The following IL33 variants were observed in gnomAD, a reference collection of about 807,000 sequenced individuals.
IL33 encodes the protein interleukin-33.
IL33 carries 37 observed loss-of-function variants against 27.3 expected under a neutral mutation model. The ratio of observed to expected loss-of-function variants is 1.36; its 90% CI spans 1.04 to 1.78. IL33 has a LOEUF of 1.78. Ranked by LOEUF, IL33 falls within the 40% of genes most tolerant of loss-of-function variation. The probability of loss-of-function intolerance (pLI) is 0.00; values close to 1 mark genes in which losing one functional copy is unlikely to be tolerated. For synonymous variants in IL33, 132 were observed against 102.9 expected (o/e 1.28, Z -1.71); for missense variants, 406 against 311.4 (o/e 1.30, Z -2.29).
intron 1 of IL33, among the ~76,000 whole-genome samples, chr9:6,232,048 A>C (rs1290958048): frequency 6.6e-6 from 1 of 152,258 alleles, no homozygotes; most frequent in Non-Finnish European, 1.5e-5. Context: ...CAGCCAACTT[A>C]ACATTCTTAA....
At chr9:6,232,168 T>A (rs775723183) in intron 1 of IL33, among the ~76,000 whole-genome samples, 1 of 152,174 alleles carries the variant, frequency 6.6e-6, no homozygotes, top group South Asian at 2.1e-4. Flanking sequence ...GTAGATAATA[T>A]GACAATGTGA....
chr9:6,240,988 A>G (rs1175102480), intron 1 of IL33, among the ~76,000 whole-genome samples: 3 of 152,066 alleles, frequency 2.0e-5, no homozygotes, highest in East Asian at 1.9e-4. Context: ...CTTAAAATCT[A>G]AGACACAAAC....
chr9:6,233,045 G>T (rs144060345), intron 1 of IL33, among the ~76,000 whole-genome samples: 78 of 152,266 alleles, frequency 5.1e-4, no homozygotes, highest in African/African-American at 1.8e-3. Context: ...CCATTTTTAA[G>T]TGTACGGTTC....
intron 5 of IL33, 115 bp from the exon 6 acceptor site, chr9:6,253,436 GT>G: frequency 1.5e-6 from 1 of 645,676 alleles, no homozygotes; most frequent in Non-Finnish European, 2.6e-6. Flanking sequence ...CAAAAGATTT[GT>G]TTTTATTGAT....
At chr9:6,253,842 G>A (rs1178288421) in intron 6 of IL33, among the ~76,000 whole-genome samples, 1 of 152,152 alleles carries the variant, frequency 6.6e-6, no homozygotes, top group Non-Finnish European at 1.5e-5. Flanking sequence ...AGTGGTTTAT[G>A]CTAGATAAAA....
intron 1 of IL33, among the ~76,000 whole-genome samples, chr9:6,229,039 T>A (rs914528878): frequency 6.6e-6 from 1 of 152,066 alleles, no homozygotes; most frequent in African/African-American, 2.4e-5. Context: ...CTGAGGATGG[T>A]ACCCTTTGTG....
chr9:6,251,485 T>C (rs549392386), intron 4 of IL33, among the ~76,000 whole-genome samples: 2 of 152,298 alleles, frequency 1.3e-5, no homozygotes, highest in African/African-American at 4.8e-5. Flanking sequence ...CACTCCATCA[T>C]TATTTTGAAA....
At position 6,256,790 on chromosome 9, in the gene IL33, T is replaced by G. The variant is rs1470010377; in HGVS notation, c.*622T>G. On this transcript the variant is annotated 3_prime_UTR_variant, in exon 8 of 8. Coordinates refer to ENST00000682010, the MANE Select transcript of IL33 (RefSeq NM_033439.4). Reference sequence around the variant, plus strand: ...CAGGTAACATAAATGTGTGAAAAAGTAAAGATAACTAAAAAATTTAGAAAA... The same window carrying G: ...CAGGTAACATAAATGTGTGAAAAAGGAAAGATAACTAAAAAATTTAGAAAA... 1 of 155,016 alleles carries G rather than the reference T, an allele frequency of 6.5e-6. No homozygotes were observed. Among genetic ancestry groups the G allele is most frequent in the Non-Finnish European group, 1.4e-5 (1 of 70,064 alleles). The allele number at this position is 155,016 out of a possible 1,614,324, so 9.6% of individuals were successfully genotyped here.
intron 5 of IL33, 129 bp from the exon 6 acceptor site, chr9:6,253,423 C>A: frequency 1.7e-6 from 1 of 597,026 alleles, no homozygotes; most frequent in African/African-American, 1.9e-5. Flanking sequence ...TTTCTCAAAA[C>A]CACAAAAGAT....
intron 1 of IL33, among the ~76,000 whole-genome samples, chr9:6,237,572 A>G (rs1000828039): frequency 1.3e-5 from 2 of 152,182 alleles, no homozygotes; most frequent in Non-Finnish European, 2.9e-5. Context: ...CGGGAGAAAA[A>G]GGTTATGAGA....
chr9:6,234,311 T>A (rs1819073450), intron 1 of IL33, among the ~76,000 whole-genome samples: 1 of 152,228 alleles, frequency 6.6e-6, no homozygotes, highest in African/African-American at 2.4e-5. Context: ...GTTCCTCAAG[T>A]ACCTCAAACT....
chr9:6,246,967 T>C (rs1014807930), intron 2 of IL33, among the ~76,000 whole-genome samples: 2 of 152,172 alleles, frequency 1.3e-5, no homozygotes, highest in Non-Finnish European at 2.9e-5. Flanking sequence ...GGTAGAGATA[T>C]CCAGAATTCA....
At chr9:6,224,953 G>T (rs1818565853) in intron 1 of IL33, among the ~76,000 whole-genome samples, 1 of 151,834 alleles carries the variant, frequency 6.6e-6, no homozygotes, top group African/African-American at 2.4e-5. Context: ...TACATGCTGT[G>T]GCTTGGCACC....
intron 1 of IL33, among the ~76,000 whole-genome samples, chr9:6,217,492 T>C (rs1011755498): frequency 1.3e-5 from 2 of 152,202 alleles, no homozygotes; most frequent in African/African-American, 4.8e-5. Context: ...AAAAGCATGA[T>C]GGGGGTTGGT....
At chr9:6,234,330 C>T (rs1819074010) in intron 1 of IL33, among the ~76,000 whole-genome samples, 2 of 152,200 alleles carry the variant, frequency 1.3e-5, no homozygotes. Context: ...CTCCATCTGC[C>T]CTACATCAAA....
intron 1 of IL33, among the ~76,000 whole-genome samples, chr9:6,220,586 T>C (rs946303303): frequency 6.6e-6 from 1 of 152,168 alleles, no homozygotes; most frequent in African/African-American, 2.4e-5. Flanking sequence ...AACATGAACT[T>C]CCTCAAATCT....
intron 2 of IL33, among the ~76,000 whole-genome samples, chr9:6,248,032 A>G (rs942033034): frequency 4.6e-5 from 7 of 152,094 alleles, no homozygotes; most frequent in Non-Finnish European, 8.8e-5. Flanking sequence ...AGTATTAGGC[A>G]TGCCTATCAC....
chr9:6,251,010 G>C, intron 3 of IL33, 130 bp from the exon 4 acceptor site: 1 of 1,193,670 alleles, frequency 8.4e-7, no homozygotes, highest in Non-Finnish European at 1.2e-6. Flanking sequence ...AATCCCTTTG[G>C]ACCATGAAGT....
At chr9:6,252,391 T>C (rs1816448925) in intron 4 of IL33, among the ~76,000 whole-genome samples, 2 of 152,182 alleles carry the variant, frequency 1.3e-5, no homozygotes, top group South Asian at 4.1e-4. Flanking sequence ...AGCACTGCAC[T>C]AAGTGTCCCT....
Sources: gnomAD v4.1 joint callset for allele counts (sites outside exome capture counted in the v4.1 genomes callset) on GRCh38, gnomAD v4.1.1 for gene constraint, MANE v1.5 for transcripts, NCBI Gene and HGNC (gene_info 2026-07-23, HGNC 2026-07-21) for gene names.